The following GAB1 variants were observed in gnomAD, a reference collection of about 807,000 sequenced individuals.
The protein encoded by GAB1 is GRB2 associated binding protein 1.
A neutral mutation model predicts 66.5 loss-of-function variants in GAB1; 19 were observed. The ratio of observed to expected loss-of-function variants is 0.29; its 90% CI spans 0.20 to 0.42. The LOEUF (loss-of-function observed/expected upper bound fraction) is 0.42, where lower values mean the gene tolerates loss of function less well. GAB1 is among the 10% of genes least tolerant of loss of function. The pLI is 1.00. For missense variants in GAB1, 732 were observed against 858.5 expected, an observed-to-expected ratio of 0.85 and a Z score of 1.84; for synonymous variants, 294 against 301.4, an observed-to-expected ratio of 0.98 and a Z score of 0.25.
At chr4:143,431,706 G>A (rs138522355) in intron 2 of GAB1, among the ~76,000 whole-genome samples, 1 of 152,224 alleles carries the variant, frequency 6.6e-6, no homozygotes, top group Non-Finnish European at 1.5e-5. Flanking sequence ...TTGTAAAATG[G>A]CGGAGGCTAA....
Position 143,469,333 on chromosome 4 carries a change from C to A in GAB1, c.*144C>A. 2 of 758,046 alleles carry A rather than the reference C, an allele frequency of 2.6e-6. No individual in the cohort carries two copies. Among genetic ancestry groups the A allele is most frequent in the Non-Finnish European group, 4.2e-6 (2 of 480,072 alleles). The allele number at this position is 758,046 out of a possible 1,614,324, so 47.0% of individuals were successfully genotyped here. A position where few individuals can be genotyped will look rare whatever the true frequency, so the allele number is the denominator to read the frequency against. On this transcript the variant is annotated 3_prime_UTR_variant, in exon 10 of 10. Coordinates refer to ENST00000262994, the MANE Select transcript of GAB1 (RefSeq NM_002039.4). ...AAAGGACCTTTCTGACATAATCAAG[C>A]AATTTAGACTTAAGTGGTGCTTTGT...
At position 143,408,426 on chromosome 4, in the gene GAB1, T is replaced by G. The variant is rs539517854; in HGVS notation, c.73-7051T>G. Among the ~76,000 whole-genome samples the G allele has an allele frequency of 2.6e-4, 40 of 152,314 alleles. No individual in the cohort carries two copies. In the South Asian group the frequency reaches 6.4e-3, roughly 25 times the overall value. On this transcript the variant is annotated intron_variant, in intron 1 of 9. Coordinates refer to ENST00000262994, the MANE Select transcript of GAB1 (RefSeq NM_002039.4). ...AGTATGTGTCCTTCCAGACCTGTTC[T>G]CTAAACATAGTGTGTGTTTGTATAA...
chr4:143,350,678 C>CAA (rs34098103), intron 1 of GAB1, among the ~76,000 whole-genome samples: 169 of 88,448 alleles, frequency 1.9e-3, no homozygotes, highest in Non-Finnish European at 2.6e-3. Context: ...AACTCCGTCT[C>CAA]AAAAAAAAAA....
chr4:143,389,005 C>T (rs1021234575), intron 1 of GAB1, among the ~76,000 whole-genome samples: 2 of 152,180 alleles, frequency 1.3e-5, no homozygotes, highest in Non-Finnish European at 2.9e-5. Flanking sequence ...CCAGTCCACT[C>T]TGCAGAGAAG....
At chr4:143,344,267 TG>T (rs955019336) in intron 1 of GAB1, among the ~76,000 whole-genome samples, 3 of 152,022 alleles carry the variant, frequency 2.0e-5, no homozygotes, top group Admixed American at 2.0e-4. Flanking sequence ...CAGCTCGTGT[TG>T]GGGGGGAGAG....
Position 143,470,255 on chromosome 4 carries a change from C to T in GAB1, c.*1066C>T, listed in dbSNP as rs1188858361. ...TTTTTTTACTTAATATTCTTCTTGG[C>T]CTTATATTTAATTCCCTATGCAATT... On this transcript the variant is annotated 3_prime_UTR_variant, in exon 10 of 10. Coordinates refer to ENST00000262994, the MANE Select transcript of GAB1 (RefSeq NM_002039.4). The T allele has an allele frequency of 6.6e-6, 1 of 151,914 alleles. No individual in the cohort carries two copies. Among genetic ancestry groups the T allele is most frequent in the Non-Finnish European group, 1.5e-5 (1 of 67,974 alleles). 9.4% of individuals were successfully genotyped at this position (151,914 alleles called of 1,614,324 possible). A position where few individuals can be genotyped will look rare whatever the true frequency, so the allele number is the denominator to read the frequency against.
chr4:143,400,273 C>G (rs145857731), intron 1 of GAB1, among the ~76,000 whole-genome samples: 110 of 152,168 alleles, frequency 7.2e-4, no homozygotes, highest in African/African-American at 2.3e-3. Flanking sequence ...GGCACATGTC[C>G]AAGTTTTGAG....
intron 1 of GAB1, among the ~76,000 whole-genome samples, chr4:143,347,638 C>A (rs2149645164): frequency 6.6e-6 from 1 of 152,336 alleles, no homozygotes; most frequent in South Asian, 2.1e-4. Context: ...ACACTGTTTT[C>A]ACCTTTGAGA....
intron 6 of GAB1, among the ~76,000 whole-genome samples, chr4:143,453,869 T>A (rs1735052190): frequency 6.6e-6 from 1 of 152,210 alleles, no homozygotes; most frequent in Non-Finnish European, 1.5e-5. Flanking sequence ...TTATTAAAAT[T>A]TCTTTTAAAT....
At chr4:143,436,183 A>T (rs936096883) in intron 3 of GAB1, among the ~76,000 whole-genome samples, 1 of 152,216 alleles carries the variant, frequency 6.6e-6, no homozygotes, top group African/African-American at 2.4e-5. Context: ...AACTACACCT[A>T]GTTGGTGAGA....
intron 1 of GAB1, among the ~76,000 whole-genome samples, chr4:143,398,381 T>C (rs2149695873): frequency 6.6e-6 from 1 of 152,316 alleles, no homozygotes; most frequent in South Asian, 2.1e-4. Flanking sequence ...GAATTTCTGC[T>C]GTTGCAGGGG....
At chr4:143,351,532 C>A (rs185279319) in intron 1 of GAB1, among the ~76,000 whole-genome samples, 222 of 152,212 alleles carry the variant, frequency 1.5e-3, no homozygotes, top group African/African-American at 4.6e-3. Flanking sequence ...GGGGCGTGGC[C>A]GGCCAGGGTG....
At chr4:143,447,114 G>A (rs1445290233) in intron 6 of GAB1, among the ~76,000 whole-genome samples, 1 of 151,928 alleles carries the variant, frequency 6.6e-6, no homozygotes, top group East Asian at 1.9e-4. Context: ...TAGATATGCG[G>A]CGTTATTTCT....
Position 143,438,327 on chromosome 4 carries a change from G to C in GAB1, c.922G>C (p.Asp308His). ...TQMRHVSISY[D>H]IPPTPGNTYQ... ...AATGAGGCATGTATCTATTAGTTAT[G>C]ACATTCCTCCAACACCTGGTAATAC... The change falls in exon 4 of 10, where the codon GAC becomes CAC. Residue 308 changes from aspartate to histidine, a missense_variant. By Grantham distance (81) the Asp-to-His change is moderately conservative. This residue lies in a region of GAB1 where 427 missense variants were observed against 420.6 expected (regional missense o/e 1.02). Transcript: ENST00000262994. 1 of 1,614,022 alleles carries C rather than the reference G, an allele frequency of 6.2e-7. No individual in the cohort carries two copies. Among genetic ancestry groups the C allele is most frequent in the East Asian group, 2.2e-5 (1 of 44,874 alleles).
chr4:143,441,782 G>C (rs1053054277), intron 6 of GAB1, among the ~76,000 whole-genome samples: 5 of 151,880 alleles, frequency 3.3e-5, no homozygotes, highest in Admixed American at 3.3e-4. Context: ...CAAGAGCTTT[G>C]GCCTCCAATG....
chr4:143,350,906 CCACGGGA>C (rs1446368281), intron 1 of GAB1, among the ~76,000 whole-genome samples: 2 of 152,162 alleles, frequency 1.3e-5, no homozygotes, highest in East Asian at 3.9e-4. Flanking sequence ...TTTGTCCCCT[CCACGGGA>C]CATTTTGAAA....
chr4:143,460,677 G>C (rs541234891), intron 8 of GAB1, among the ~76,000 whole-genome samples, 190 bp downstream of exon 8: 2 of 151,842 alleles, frequency 1.3e-5, no homozygotes, highest in South Asian at 2.1e-4. Flanking sequence ...AAAGTAAACT[G>C]TAAATGAGTT....
intron 2 of GAB1, among the ~76,000 whole-genome samples, chr4:143,430,848 A>G (rs926871502): frequency 2.0e-5 from 3 of 152,202 alleles, no homozygotes; most frequent in Non-Finnish European, 2.9e-5. Context: ...AATTTTTACA[A>G]TCCTTTCACA....
chr4:143,420,203 G>A (rs1450194498), intron 2 of GAB1, among the ~76,000 whole-genome samples: 5 of 151,926 alleles, frequency 3.3e-5, no homozygotes, highest in African/African-American at 1.2e-4. Flanking sequence ...TCCTACTGTT[G>A]GCTTGAAAAT....
Sources: allele counts gnomAD v4.1 joint callset (sites outside exome capture counted in the v4.1 genomes callset), GRCh38; gene constraint gnomAD v4.1.1; regional missense constraint gnomAD v4.1.1; transcripts MANE v1.5; gene names NCBI Gene and HGNC (gene_info 2026-07-23, HGNC 2026-07-21).